The following DNAH14 variants were observed in gnomAD, a reference collection of about 807,000 sequenced individuals.
DNAH14 encodes axonemal beta dynein heavy chain 14.
A neutral mutation model predicts 520.9 loss-of-function variants in DNAH14; 478 were observed. That is an observed-to-expected ratio of 0.92 (90% CI 0.85 to 0.99). The LOEUF is 0.99. Among genes scored for constraint, DNAH14 ranks in the 50% least tolerant of loss-of-function variants. The pLI, the probability that DNAH14 is intolerant of heterozygous loss-of-function variation, is 0.00. For synonymous variants in DNAH14, 1,581 were observed against 1,757.2 expected (o/e 0.90, Z 2.51); for missense variants, 4,831 against 5,234.5 (o/e 0.92, Z 2.38).
chr1:225,140,795 G>C lies in DNAH14; in HGVS notation c.4282G>C (p.Val1428Leu), dbSNP rs1173651995. Residue 1428 changes from valine (V) to leucine (L), a missense_variant, in exon 28 of 86, where the codon GTT becomes CTT. Val to Leu is a conservative substitution (Grantham distance 32). Coordinates refer to ENST00000682510, the MANE Select transcript of DNAH14 (RefSeq NM_001367479.1). Reference protein sequence around the residue: ...VSQIMFYNDCVKSFVSSYSRE... With the variant: ...VSQIMFYNDCLKSFVSSYSRE... The stretch of plus-strand genomic sequence containing the variant: ...CCAGATCATGTTTTATAATGATTGT[G>C]TTAAAAGTTTTGTGAGTTCTTATTC... 20 of 1,547,006 alleles carry C rather than the reference G, an allele frequency of 1.3e-5. No individual in the cohort carries two copies. The highest frequency in any genetic ancestry group is 1.7e-5 in the Non-Finnish European group (20 of 1,144,108).
At chr1:224,939,835 C>T (rs2059292884) in intron 1 of DNAH14, among the ~76,000 whole-genome samples, 1 of 152,218 alleles carries the variant, frequency 6.6e-6, no homozygotes, top group Admixed American at 6.5e-5. Context: ...ACATCTCTTG[C>T]TGAATTGTAA....
chr1:225,215,839 C>A (rs2089230213), intron 41 of DNAH14, among the ~76,000 whole-genome samples: 1 of 152,168 alleles, frequency 6.6e-6, no homozygotes, highest in Non-Finnish European at 1.5e-5. Flanking sequence ...TGGGTCTTGA[C>A]TCTTTATCCA....
chr1:225,100,180 G>A (rs938738638), intron 22 of DNAH14, among the ~76,000 whole-genome samples: 2 of 152,092 alleles, frequency 1.3e-5, no homozygotes, highest in Admixed American at 6.6e-5. Flanking sequence ...CACCAAGGCT[G>A]ACATGGCCCT....
intron 27 of DNAH14, among the ~76,000 whole-genome samples, chr1:225,131,770 A>C (rs2078449734): frequency 6.6e-6 from 1 of 152,174 alleles, no homozygotes; most frequent in Non-Finnish European, 1.5e-5. Flanking sequence ...AAAACTAGGA[A>C]GTTGTGATGT....
At chr1:225,181,157 T>A (rs2083948378) in intron 36 of DNAH14, among the ~76,000 whole-genome samples, 1 of 152,186 alleles carries the variant, frequency 6.6e-6, no homozygotes, top group Non-Finnish European at 1.5e-5. Flanking sequence ...AGGACCTGAT[T>A]TCATTCTTTT....
chr1:225,308,315 A>G lies in DNAH14; in HGVS notation c.9145A>G (p.Lys3049Glu). 6.5e-7 allele frequency: 1 copy of G among 1,540,376 alleles called. No individual in the cohort carries two copies. The highest frequency in any genetic ancestry group is 8.7e-7 in the Non-Finnish European group (1 of 1,144,204). Residue 3049 changes from lysine to glutamate, a missense_variant, in exon 60 of 86, where the codon AAA (lysine) becomes GAA (glutamate). By Grantham distance (56) the Lys-to-Glu change is moderately conservative. Coordinates refer to ENST00000682510, the MANE Select transcript of DNAH14 (RefSeq NM_001367479.1). The part of the protein sequence containing the change: ...ETETLMEKLR[K>E]DSQVVEKVQM... ...AGAAACTCTAATGGAAAAACTACGGAAAGATTCACAAGTAGTTGAGAAAGT... is the reference window on the plus strand; with the variant it reads ...AGAAACTCTAATGGAAAAACTACGGGAAGATTCACAAGTAGTTGAGAAAGT...
chr1:225,330,930 T>C (rs1270382686), intron 64 of DNAH14, among the ~76,000 whole-genome samples: 1 of 152,124 alleles, frequency 6.6e-6, no homozygotes, highest in Non-Finnish European at 1.5e-5. Context: ...TATATATATA[T>C]ACCTACTGTG....
chr1:225,206,058 C>T lies in DNAH14; in HGVS notation c.6065C>T (p.Thr2022Ile), dbSNP rs1264874752. The T allele has an allele frequency of 2.6e-6, 4 of 1,551,594 alleles. No individual in the cohort carries two copies. The highest frequency in any genetic ancestry group is 3.5e-6 in the Non-Finnish European group (4 of 1,146,862). ...NLNSVLDDTRTLCLANSERIA... is the reference protein window; with the variant it reads ...NLNSVLDDTRILCLANSERIA... ...AACTCTGTGCTAGATGATACTAGAA[C>T]ATTGTGCCTAGCAAACAGTGAGAGA... The change falls in exon 40 of 86, where the codon ACA becomes ATA. Residue 2022 changes from threonine (T) to isoleucine (I), a missense_variant. Thr to Ile is a moderately conservative substitution (Grantham distance 89, BLOSUM62 -1). Transcript: ENST00000682510.
At chr1:225,084,554 A>C (rs1005658845) in intron 20 of DNAH14, among the ~76,000 whole-genome samples, 9 of 152,102 alleles carry the variant, frequency 5.9e-5, no homozygotes, top group African/African-American at 2.2e-4. Flanking sequence ...AACCTACCAC[A>C]TGAAAAGCAT....
At chr1:225,387,405 AAAT>A (rs1471971469) in intron 81 of DNAH14, among the ~76,000 whole-genome samples, 2 of 152,102 alleles carry the variant, frequency 1.3e-5, no homozygotes, top group African/African-American at 4.8e-5. Context: ...ATAAATAAAT[AAAT>A]AAGAAAAGCA....
chr1:225,377,051 A>T (rs2095710223), intron 78 of DNAH14, among the ~76,000 whole-genome samples, 186 bp from the exon 79 acceptor site: 1 of 152,100 alleles, frequency 6.6e-6, no homozygotes, highest in East Asian at 1.9e-4. Flanking sequence ...GTAGTCCCAA[A>T]TGTTGCTTTT....
intron 66 of DNAH14, among the ~76,000 whole-genome samples, chr1:225,335,993 A>G (rs58011584): frequency 1.7e-5 from 2 of 121,180 alleles, no homozygotes; most frequent in African/African-American, 7.8e-5. Flanking sequence ...ATATACACAC[A>G]TATGCATATA....
Position 225,144,690 on chromosome 1 carries a change from G to A in DNAH14, c.4740+62G>A, listed in dbSNP as rs1038355576. ...CTTTTTCTGTCACACAAACTTTGAT[G>A]TTATCTTAAATTTACACCATTCCTG... On this transcript the variant is annotated intron_variant, in intron 29 of 85. Transcript: ENST00000682510. The A allele has an allele frequency of 2.0e-5, 27 of 1,346,916 alleles. No individual in the cohort carries two copies. The African/African-American group carries it at 3.7e-4, about 18-fold the overall frequency. The allele number at this position is 1,346,916 out of a possible 1,614,324, so 83.4% of individuals were successfully genotyped here.
chr1:225,216,366 A>G (rs1435297815), intron 41 of DNAH14, among the ~76,000 whole-genome samples: 2 of 152,130 alleles, frequency 1.3e-5, no homozygotes, highest in Non-Finnish European at 2.9e-5. Flanking sequence ...ATCTGACAGT[A>G]TGTGTCTTGG....
At chr1:224,938,062 A>G (rs1458493911) in intron 1 of DNAH14, among the ~76,000 whole-genome samples, 1 of 152,220 alleles carries the variant, frequency 6.6e-6, no homozygotes, top group Non-Finnish European at 1.5e-5. Flanking sequence ...AAATGGATTA[A>G]AGACCTGAAT....
At chr1:225,109,344 G>A (rs750196755) in intron 23 of DNAH14, among the ~76,000 whole-genome samples, 11 of 152,178 alleles carry the variant, frequency 7.2e-5, no homozygotes, top group South Asian at 2.1e-4. Flanking sequence ...TGCAATTCAT[G>A]TAATATGGAA....
At chr1:225,215,475 T>G (rs1280312712) in intron 41 of DNAH14, among the ~76,000 whole-genome samples, 1 of 152,208 alleles carries the variant, frequency 6.6e-6, no homozygotes, top group Non-Finnish European at 1.5e-5. Context: ...TAACTTTCTG[T>G]CTCGTTGATC....
At chr1:225,106,537 T>G (rs1438637080) in intron 23 of DNAH14, among the ~76,000 whole-genome samples, 1 of 152,210 alleles carries the variant, frequency 6.6e-6, no homozygotes, top group African/African-American at 2.4e-5. Context: ...GTAGATTTGG[T>G]CTTTTCACAT....
chr1:225,290,321 T>C (rs537695679), intron 55 of DNAH14, among the ~76,000 whole-genome samples: 4 of 152,176 alleles, frequency 2.6e-5, no homozygotes, highest in Admixed American at 1.3e-4. Context: ...AGGTATTTTC[T>C]ATGTCATTAT....
Sources: allele counts gnomAD v4.1 joint callset (sites outside exome capture counted in the v4.1 genomes callset), GRCh38; gene constraint gnomAD v4.1.1; transcripts MANE v1.5; gene names NCBI Gene and HGNC (gene_info 2026-07-23, HGNC 2026-07-21).